COPG2: variants seen among roughly 807,000 people sequenced by gnomAD.
The protein encoded by COPG2 is coatomer subunit gamma-2.
A neutral mutation model predicts 46.3 loss-of-function variants in COPG2; 37 were observed. The observed-to-expected ratio is 0.80, with a 90% CI of 0.61 to 1.05. The LOEUF (loss-of-function observed/expected upper bound fraction) is 1.05. Ranked by LOEUF, COPG2 falls within the 50% of genes least tolerant of loss-of-function variation. The pLI is 0.00. For missense variants in COPG2, 427 were observed against 387.8 expected (o/e 1.10, Z -0.85); for synonymous variants, 159 against 129.7 (o/e 1.23, Z -1.53).
At chr7:130,582,372 T>C (rs571409432) in intron 9 of COPG2, among the ~76,000 whole-genome samples, 2 of 148,524 alleles carry the variant, frequency 1.3e-5, no homozygotes, top group South Asian at 4.3e-4. Context: ...ACTTAAACGT[T>C]AGACCTAAAA....
chr7:130,530,335 G>C (rs1799811955), intron 20 of COPG2, among the ~76,000 whole-genome samples: 1 of 151,994 alleles, frequency 6.6e-6, no homozygotes, highest in South Asian at 2.1e-4. Context: ...GGAAGTGGCG[G>C]GACTGGCTGT....
chr7:130,536,107 A>G (rs1189664988), intron 20 of COPG2, among the ~76,000 whole-genome samples: 1 of 151,978 alleles, frequency 6.6e-6, no homozygotes, highest in Non-Finnish European at 1.5e-5. Context: ...CAGGGCATAA[A>G]GGGTGGGGTG....
At chr7:130,566,662 G>C (rs1793808577) in intron 9 of COPG2, among the ~76,000 whole-genome samples, 1 of 152,154 alleles carries the variant, frequency 6.6e-6, no homozygotes. Flanking sequence ...AGGCCTGGGA[G>C]GGAGGGGTCT....
At chr7:130,592,564 T>TA (rs1420402132) in intron 9 of COPG2, among the ~76,000 whole-genome samples, 1 of 152,140 alleles carries the variant, frequency 6.6e-6, no homozygotes, top group Non-Finnish European at 1.5e-5. Flanking sequence ...CTATTCATCA[T>TA]AAAAAATCAA....
At chr7:130,660,068 G>C (rs1360228821) in intron 4 of COPG2, among the ~76,000 whole-genome samples, 1 of 152,186 alleles carries the variant, frequency 6.6e-6, no homozygotes, top group Admixed American at 6.5e-5. Flanking sequence ...TTCTGGTAAA[G>C]GAATGCTGGT....
At chr7:130,583,459 C>A (rs1246751886) in intron 9 of COPG2, among the ~76,000 whole-genome samples, 27 of 128,982 alleles carry the variant, frequency 2.1e-4, no homozygotes, top group African/African-American at 1.5e-4. Flanking sequence ...AACTAACCTG[C>A]ACAATGTGCA....
chr7:130,587,278 G>C (rs1563051199), intron 9 of COPG2, among the ~76,000 whole-genome samples: 1 of 151,898 alleles, frequency 6.6e-6, no homozygotes, highest in East Asian at 1.9e-4. Context: ...CTGCACTCCA[G>C]CCTGGGCGAT....
chr7:130,525,052 G>T (rs989923587), intron 20 of COPG2, among the ~76,000 whole-genome samples: 2,680 of 152,274 alleles, frequency 0.018, 73 homozygotes, highest in African/African-American at 0.062. Context: ...GGGTGGATGA[G>T]TGATGCAAGG....
chr7:130,655,197 A>T (rs995035589), intron 4 of COPG2, among the ~76,000 whole-genome samples: 1 of 152,150 alleles, frequency 6.6e-6, no homozygotes, highest in Non-Finnish European at 1.5e-5. Flanking sequence ...GTATGATCTT[A>T]AATAGTATTG....
intron 5 of COPG2, among the ~76,000 whole-genome samples, chr7:130,619,525 T>C (rs890644151): frequency 2.6e-5 from 4 of 152,194 alleles, no homozygotes; most frequent in African/African-American, 9.7e-5. Flanking sequence ...CAAATTTTTG[T>C]TAGTATTATT....
intron 12 of COPG2, 128 bp downstream of exon 12, chr7:130,560,905 G>A (rs36168907): frequency 0.2 from 80,141 of 395,876 alleles, 8,493 homozygotes; most frequent in Middle Eastern, 0.3. Context: ...TAATAACTAT[G>A]AAAGAAAAAA....
chr7:130,623,729 C>T lies in COPG2; in HGVS notation c.324-6664G>A, dbSNP rs192644458. ...ACTCTGGGCATGGTGGTGCATGCTA[C>T]GGCCCCAGCTACTCAGAAGGCTGAG... On this transcript the variant is annotated intron_variant, in intron 5 of 23. Transcript: ENST00000425248. Among the ~76,000 whole-genome samples the T allele has an allele frequency of 3.3e-5, 5 of 152,176 alleles. No individual in the cohort carries two copies. The East Asian group carries it at 5.8e-4, about 18-fold the overall frequency.
At chr7:130,569,721 C>A (rs1410158464) in intron 9 of COPG2, among the ~76,000 whole-genome samples, 1 of 151,886 alleles carries the variant, frequency 6.6e-6, no homozygotes, top group East Asian at 1.9e-4. Context: ...GCCAGTATAA[C>A]CCTAATACCA....
chr7:130,659,356 A>AAAAAAAAAAAAAAAAAAAAAAAAAAAAAG (rs1563073666), intron 4 of COPG2, among the ~76,000 whole-genome samples: 1 of 147,188 alleles, frequency 6.8e-6, no homozygotes, highest in Non-Finnish European at 1.5e-5. Context: ...CTCCGTCTCA[A>AAAAAAAAAAAAAAAAAAAAAAAAAAAAAG]AAAAAAAAAA....
At chr7:130,547,303 A>C in intron 20 of COPG2, 1 of 176,348 alleles carries the variant, frequency 5.7e-6, no homozygotes, top group Non-Finnish European at 1.2e-5. Flanking sequence ...ACTAGATAGA[A>C]ACTTTGAGGA....
chr7:130,579,862 A>G (rs1584981654), intron 9 of COPG2, among the ~76,000 whole-genome samples: 1 of 152,200 alleles, frequency 6.6e-6, no homozygotes, highest in East Asian at 1.9e-4. Flanking sequence ...TGAGTAACCT[A>G]AAAAGAGACT....
intron 6 of COPG2, among the ~76,000 whole-genome samples, chr7:130,614,970 G>A (rs1794922334): frequency 6.6e-6 from 1 of 152,144 alleles, no homozygotes; most frequent in African/African-American, 2.4e-5. Context: ...AAACTCCAAT[G>A]TCCCTGACTA....
intron 20 of COPG2, chr7:130,511,725 G>A (rs782352814): frequency 1.9e-6 from 1 of 515,822 alleles, no homozygotes; most frequent in Non-Finnish European, 3.9e-6. Flanking sequence ...GGCAGAGCAG[G>A]TGTGGAATAA....
intron 5 of COPG2, among the ~76,000 whole-genome samples, chr7:130,625,230 A>T (rs566847812): frequency 2.0e-4 from 30 of 152,254 alleles, no homozygotes; most frequent in African/African-American, 6.5e-4. Context: ...AAATAAGAAG[A>T]CTATTGATTA....
Sources: allele counts gnomAD v4.1 joint callset (sites outside exome capture counted in the v4.1 genomes callset), GRCh38; gene constraint gnomAD v4.1.1; transcripts MANE v1.5; gene names NCBI Gene and HGNC (gene_info 2026-07-23, HGNC 2026-07-21).